The following KLHL8 variants were observed in gnomAD, a reference collection of about 807,000 sequenced individuals.
The protein encoded by KLHL8 is kelch-like protein 8.
In KLHL8, 38 loss-of-function variants were observed where a neutral mutation model predicts 63.5. That is an observed-to-expected ratio of 0.60 (90% CI 0.46 to 0.78). The LOEUF is 0.78. Among genes scored for constraint, KLHL8 ranks in the 30% least tolerant of loss-of-function variants. The pLI, the probability that KLHL8 is intolerant of heterozygous loss-of-function variation, is 0.00. For missense variants in KLHL8, 566 were observed against 752.4 expected (o/e 0.75, Z 2.90); for synonymous variants, 224 against 254.3 (o/e 0.88, Z 1.13).
At position 87,171,424 on chromosome 4, in the gene KLHL8, T is replaced by C. The variant is rs147971106; in HGVS notation, c.1209-809A>G. Among the ~76,000 whole-genome samples, 556 of 152,286 alleles carry C rather than the reference T, an allele frequency of 3.7e-3. 5 individuals carry two copies. Among genetic ancestry groups the C allele is most frequent in the African/African-American group, 0.013 (535 of 41,564 alleles). On this transcript the variant is annotated intron_variant, in intron 6 of 9. Transcript: ENST00000273963. ...GGAGAAAGCAGCTGCTTCACTGAGATTCTAACTCTAAATTTACCAGAGAGT... is the reference window on the plus strand; with the variant it reads ...GGAGAAAGCAGCTGCTTCACTGAGACTCTAACTCTAAATTTACCAGAGAGT...
chr4:87,226,541 A>G (rs1407943786), intron 1 of KLHL8, among the ~76,000 whole-genome samples: 3 of 138,900 alleles, frequency 2.2e-5, no homozygotes, highest in Non-Finnish European at 4.6e-5. Flanking sequence ...CAGCCTGGGC[A>G]ACAGAGCAAG....
chr4:87,165,683 C>A (rs1024472311), intron 8 of KLHL8, among the ~76,000 whole-genome samples: 3 of 152,022 alleles, frequency 2.0e-5, no homozygotes, highest in Non-Finnish European at 2.9e-5. Context: ...AGGGGTAATC[C>A]CTGCACCTGG....
At chr4:87,202,411 C>T (rs1317265918) in intron 1 of KLHL8, among the ~76,000 whole-genome samples, 1 of 152,086 alleles carries the variant, frequency 6.6e-6, no homozygotes, top group Non-Finnish European at 1.5e-5. Flanking sequence ...TGAGCCACCA[C>T]ACCTGGCCTG....
intron 1 of KLHL8, among the ~76,000 whole-genome samples, chr4:87,209,374 T>C (rs1479749514): frequency 6.6e-6 from 1 of 151,812 alleles, no homozygotes; most frequent in East Asian, 1.9e-4. Flanking sequence ...ATTATGACAA[T>C]GAAGCAGACA....
chr4:87,233,227 G>C (rs1030590901), intron 1 of KLHL8, among the ~76,000 whole-genome samples: 1 of 151,972 alleles, frequency 6.6e-6, no homozygotes, highest in African/African-American at 2.4e-5. Context: ...ATTTTTAGTA[G>C]AGACAGGGTT....
intron 8 of KLHL8, among the ~76,000 whole-genome samples, chr4:87,169,453 T>C (rs1730551259): frequency 6.6e-6 from 1 of 152,210 alleles, no homozygotes; most frequent in Non-Finnish European, 1.5e-5. Flanking sequence ...TAAAAACATA[T>C]ACCTTATTTA....
chr4:87,160,723 A>G lies in KLHL8; in HGVS notation c.*2796T>C, dbSNP rs1339878312. Reference sequence around the variant, plus strand: ...GCAATGGCTTTAATGACTAAATGAAAGAATCACAAAGCACCTAGAAATATT... The same window carrying G: ...GCAATGGCTTTAATGACTAAATGAAGGAATCACAAAGCACCTAGAAATATT... On this transcript the variant is annotated 3_prime_UTR_variant, in exon 10 of 10. Transcript: ENST00000273963. The G allele has an allele frequency of 6.6e-6, 1 of 152,246 alleles. No individual in the cohort carries two copies. The highest frequency in any genetic ancestry group is 2.4e-5 in the African/African-American group (1 of 41,472). The allele number at this position is 152,246 out of a possible 1,614,324, so 9.4% of individuals were successfully genotyped here.
chr4:87,175,242 T>C (rs900865567), intron 6 of KLHL8, among the ~76,000 whole-genome samples: 2 of 152,228 alleles, frequency 1.3e-5, no homozygotes, highest in Admixed American at 6.5e-5. Flanking sequence ...TGGTGTTATA[T>C]ACCCTACTTC....
At chr4:87,215,803 T>A (rs78970231) in intron 1 of KLHL8, among the ~76,000 whole-genome samples, 2 of 152,324 alleles carry the variant, frequency 1.3e-5, no homozygotes, top group East Asian at 3.9e-4. Context: ...AATTATAATA[T>A]AATCTACAAA....
rs1179401330 is a variant in KLHL8, at chr4:87,160,160, C to T, written c.*3359G>A. On this transcript the variant is annotated 3_prime_UTR_variant, in exon 10 of 10. Transcript: ENST00000273963. ...ATTAAATAAATAGCACTGATGTGACCCCAACTTTTTGATATCCATAGTTGG... is the reference window on the plus strand; with the variant it reads ...ATTAAATAAATAGCACTGATGTGACTCCAACTTTTTGATATCCATAGTTGG... The T allele has an allele frequency of 1.3e-5, 2 of 151,876 alleles. No homozygotes were observed. Among genetic ancestry groups the T allele is most frequent in the Non-Finnish European group, 2.9e-5 (2 of 67,958 alleles). The allele number at this position is 151,876 out of a possible 1,614,324, so 9.4% of individuals were successfully genotyped here.
chr4:87,208,465 C>T (rs1267499703), intron 1 of KLHL8, among the ~76,000 whole-genome samples: 4 of 151,628 alleles, frequency 2.6e-5, no homozygotes, highest in Admixed American at 2.6e-4. Context: ...CTCCCAGGCT[C>T]CAGCAATCCT....
At chr4:87,192,603 C>T (rs896690614) in intron 2 of KLHL8, among the ~76,000 whole-genome samples, 5 of 152,290 alleles carry the variant, frequency 3.3e-5, no homozygotes, top group Middle Eastern at 3.4e-3. Flanking sequence ...ATACTACACA[C>T]GTAGGCTGTA....
At chr4:87,172,508 A>G (rs1234583568) in intron 6 of KLHL8, among the ~76,000 whole-genome samples, 2 of 152,200 alleles carry the variant, frequency 1.3e-5, no homozygotes, top group Non-Finnish European at 2.9e-5. Context: ...GAAAATTAAT[A>G]CAACCCCATC....
chr4:87,168,043 GC>G (rs1730470984), intron 8 of KLHL8, among the ~76,000 whole-genome samples: 1 of 151,982 alleles, frequency 6.6e-6, no homozygotes, highest in Non-Finnish European at 1.5e-5. Context: ...CCCACACCCC[GC>G]CCCCCGCCTT....
At chr4:87,226,447 C>T (rs999344337) in intron 1 of KLHL8, among the ~76,000 whole-genome samples, 1 of 149,566 alleles carries the variant, frequency 6.7e-6, no homozygotes, top group Non-Finnish European at 1.5e-5. Flanking sequence ...CCTGTAGTCC[C>T]AGCTACTTGG....
At chr4:87,237,722 G>A (rs1733256638) in intron 1 of KLHL8, among the ~76,000 whole-genome samples, 1 of 152,134 alleles carries the variant, frequency 6.6e-6, no homozygotes, top group East Asian at 1.9e-4. Context: ...AGCTACTCAG[G>A]AGGCTGAGGT....
intron 4 of KLHL8, among the ~76,000 whole-genome samples, chr4:87,182,228 CA>C (rs34458758): frequency 0.017 from 1,156 of 67,732 alleles, 8 homozygotes; most frequent in African/African-American, 0.061. Flanking sequence ...GACTCCGTCT[CA>C]AAAAAAAAAA....
chr4:87,179,903 G>A (rs112339476), intron 4 of KLHL8, among the ~76,000 whole-genome samples: 41 of 152,138 alleles, frequency 2.7e-4, no homozygotes, highest in African/African-American at 9.4e-4. Flanking sequence ...ACAGATTGCT[G>A]GGCCTGACTT....
chr4:87,163,763 G>C, intron 9 of KLHL8, 115 bp downstream of exon 9: 1 of 1,507,926 alleles, frequency 6.6e-7, no homozygotes. Flanking sequence ...TCCAGTGGGA[G>C]ATAAGATATC....
Sources: allele counts gnomAD v4.1 joint callset (sites outside exome capture counted in the v4.1 genomes callset), GRCh38; gene constraint gnomAD v4.1.1; transcripts MANE v1.5; gene names NCBI Gene and HGNC (gene_info 2026-07-23, HGNC 2026-07-21).